The following LHFPL1 variants were observed in gnomAD, a reference collection of about 807,000 sequenced individuals.
LHFPL1 encodes the protein LHFPL tetraspan subfamily member 1, also known as LHFPL tetraspan subfamily member 1 protein.
LHFPL1 carries 4 observed loss-of-function variants against 12.1 expected under a neutral mutation model. The observed-to-expected ratio is 0.33, with a 90% CI of 0.16 to 0.76. The LOEUF is 0.76. Ranked by LOEUF, LHFPL1 falls within the 30% of genes least tolerant of loss-of-function variation. LHFPL1 has a pLI of 0.61. For missense variants in LHFPL1, 141 were observed against 174.1 expected, an observed-to-expected ratio of 0.81 and a Z score of 1.07; for synonymous variants, 52 against 61.9, an observed-to-expected ratio of 0.84 and a Z score of 0.75.
Position 112,671,125 on chromosome X carries a change from C to T in LHFPL1, c.266G>A (p.Gly89Asp), listed in dbSNP as rs1931484743. 2 of 1,210,739 alleles carry T rather than the reference C, an allele frequency of 1.7e-6. No homozygotes were observed. The highest frequency in any genetic ancestry group is 1.8e-5 in the South Asian group (1 of 56,866). ...LAWQMCTVVT[G>D]AGCALLLLVA... ...CAGGAGCAGCAGAGCACAGCCGGCA[C>T]CTGTCACCACTGTGCACATCTGCCA... Residue 89 changes from glycine to aspartate, a missense_variant, in exon 2 of 4, where the codon GGT becomes GAT. Transcript: ENST00000371968.
chrX:112,677,661 C>CAA lies in LHFPL1; in HGVS notation c.-15+2166_-15+2167dup, dbSNP rs58664430. On this transcript the variant is annotated intron_variant, in intron 1 of 3. Coordinates refer to ENST00000371968, the MANE Select transcript of LHFPL1 (RefSeq NM_178175.4). ...GATCTTTCTGTTTCAGACAAAGCTTCAAAAAAAAAAAAAAATACTGCTACT... is the reference window on the plus strand; with the variant it reads ...GATCTTTCTGTTTCAGACAAAGCTTCAAAAAAAAAAAAAAAAATACTGCTACT... 5.2e-4 allele frequency among the ~76,000 whole-genome samples: 50 copies of CAA among 96,130 alleles called. 1 individual carries two copies. In the South Asian group the frequency reaches 7.4e-3, roughly 14 times the overall value. 83.5% of individuals were successfully genotyped at this position (96,130 alleles called of 115,157 possible).
At chrX:112,646,327 A>C (rs1930684602) in intron 3 of LHFPL1, among the ~76,000 whole-genome samples, 1 of 68,609 alleles carries the variant, frequency 1.5e-5, no homozygotes, top group Non-Finnish European at 2.5e-5. Flanking sequence ...GGAAGGAAGG[A>C]GGTCAAACTT....
chrX:112,643,332 T>C (rs1390461440), intron 3 of LHFPL1, among the ~76,000 whole-genome samples: 2 of 95,235 alleles, frequency 2.1e-5, no homozygotes, highest in African/African-American at 8.3e-5. Context: ...TGAGCCGAGA[T>C]CGTGCCACTG....
intron 3 of LHFPL1, among the ~76,000 whole-genome samples, chrX:112,639,908 A>T (rs925531793): frequency 8.9e-6 from 1 of 111,935 alleles, no homozygotes; most frequent in African/African-American, 3.3e-5. Flanking sequence ...GCTCTCCTCA[A>T]GGAGACGGGT....
intron 1 of LHFPL1, among the ~76,000 whole-genome samples, chrX:112,679,574 T>G (rs1931747633): frequency 9.0e-6 from 1 of 111,500 alleles, no homozygotes; most frequent in African/African-American, 3.3e-5. Context: ...ACTTAACCCT[T>G]AGGTCCTCAA....
At chrX:112,662,175 C>T (rs1362247722) in intron 2 of LHFPL1, among the ~76,000 whole-genome samples, 3 of 112,429 alleles carry the variant, frequency 2.7e-5, no homozygotes. Context: ...ACTTGGGTGC[C>T]ACACTAATGA....
intron 2 of LHFPL1, 106 bp downstream of exon 2, chrX:112,670,903 G>A: frequency 1.1e-6 from 1 of 902,073 alleles, no homozygotes; most frequent in Non-Finnish European, 1.5e-6. Flanking sequence ...CTTAGAGTTG[G>A]ACAAAGTGAA....
chrX:112,663,961 C>A (rs945820571), intron 2 of LHFPL1, among the ~76,000 whole-genome samples: 5 of 111,812 alleles, frequency 4.5e-5, no homozygotes, highest in Non-Finnish European at 9.4e-5. Flanking sequence ...ATACACTTGT[C>A]CCTCGGTATT....
intron 3 of LHFPL1, among the ~76,000 whole-genome samples, chrX:112,653,341 C>T (rs367593629): frequency 2.7e-5 from 3 of 111,500 alleles, no homozygotes; most frequent in African/African-American, 9.8e-5. Flanking sequence ...AAGCTCTGTG[C>T]CCTGGGGTAA....
chrX:112,653,471 G>A (rs746694544), intron 3 of LHFPL1, among the ~76,000 whole-genome samples: 205 of 112,138 alleles, frequency 1.8e-3, no homozygotes, highest in Non-Finnish European at 3.2e-3. Flanking sequence ...ATTAATTATC[G>A]TTAACATCAT....
intron 1 of LHFPL1, among the ~76,000 whole-genome samples, chrX:112,673,056 G>A (rs1315767276): frequency 9.0e-6 from 1 of 111,637 alleles, no homozygotes; most frequent in African/African-American, 3.3e-5. Context: ...TGACTTTACA[G>A]GTGGGAATAT....
intron 3 of LHFPL1, among the ~76,000 whole-genome samples, chrX:112,636,624 G>A (rs1315723792): frequency 9.0e-6 from 1 of 111,596 alleles, no homozygotes; most frequent in Non-Finnish European, 1.9e-5. Flanking sequence ...GAAGCTCAAG[G>A]GGAGAGATCT....
chrX:112,653,629 C>T (rs771477590), intron 3 of LHFPL1, among the ~76,000 whole-genome samples: 40 of 111,670 alleles, frequency 3.6e-4, no homozygotes, highest in Non-Finnish European at 7.2e-4. Flanking sequence ...GAAAACTGTT[C>T]TCTCCAAGAG....
At chrX:112,669,808 C>T (rs191056974) in intron 2 of LHFPL1, among the ~76,000 whole-genome samples, 153 of 110,589 alleles carry the variant, frequency 1.4e-3, no homozygotes, top group African/African-American at 4.8e-3. Context: ...TTTAAAATGC[C>T]TTCAGACATT....
intron 1 of LHFPL1, among the ~76,000 whole-genome samples, chrX:112,678,724 T>G (rs970308005): frequency 8.9e-6 from 1 of 112,216 alleles, no homozygotes; most frequent in African/African-American, 3.2e-5. Flanking sequence ...TTGTTCAAAA[T>G]GCAGACTATG....
intron 2 of LHFPL1, among the ~76,000 whole-genome samples, chrX:112,666,990 T>G (rs772606812): frequency 1.1e-4 from 12 of 112,203 alleles, no homozygotes; most frequent in Non-Finnish European, 1.7e-4. Context: ...TGCTAGTGGG[T>G]TAACTTCCTT....
chrX:112,644,185 T>C lies in LHFPL1; in HGVS notation c.482-12584A>G, dbSNP rs142545149. The stretch of plus-strand genomic sequence containing the variant: ...ATTGTGAGGGGCGGATGGCCTCCTA[T>C]GGATGAGTTGCTTTGGACAATCCCT... On this transcript the variant is annotated intron_variant, in intron 3 of 3. Coordinates refer to ENST00000371968, the MANE Select transcript of LHFPL1 (RefSeq NM_178175.4). Among the ~76,000 whole-genome samples, 529 of 112,300 alleles carry C rather than the reference T, an allele frequency of 4.7e-3. 5 individuals are homozygous for C. The highest frequency in any genetic ancestry group is 0.017 in the African/African-American group (517 of 30,935).
At chrX:112,656,946 G>A (rs915312182) in intron 3 of LHFPL1, among the ~76,000 whole-genome samples, 1 of 111,877 alleles carries the variant, frequency 8.9e-6, no homozygotes, top group African/African-American at 3.2e-5. Flanking sequence ...GCTCACTACT[G>A]TGGCCCAGCA....
chrX:112,667,849 A>T (rs1234603865), intron 2 of LHFPL1, among the ~76,000 whole-genome samples: 1 of 110,333 alleles, frequency 9.1e-6, no homozygotes. Flanking sequence ...CCATCAGGTC[A>T]CTTTGCTGAG....
Sources: gnomAD v4.1 joint callset for allele counts (sites outside exome capture counted in the v4.1 genomes callset) on GRCh38, gnomAD v4.1.1 for gene constraint, MANE v1.5 for transcripts, NCBI Gene and HGNC (gene_info 2026-07-23, HGNC 2026-07-21) for gene names.